The following PKD2L2 variants were observed in gnomAD, a reference collection of about 807,000 sequenced individuals.
PKD2L2 encodes the protein polycystin-2-like protein 2.
In PKD2L2, 67 loss-of-function variants were observed where a neutral mutation model predicts 83.9. The ratio of observed to expected loss-of-function variants is 0.80; its 90% CI spans 0.66 to 0.98. The LOEUF is 0.98. Ranked by LOEUF, PKD2L2 falls within the 50% of genes least tolerant of loss-of-function variation. The pLI, the probability that PKD2L2 is intolerant of heterozygous loss-of-function variation, is 0.00. For missense variants in PKD2L2, 632 were observed against 717.2 expected (o/e 0.88, Z 1.36); for synonymous variants, 223 against 237.8 (o/e 0.94, Z 0.57).
intron 12 of PKD2L2, among the ~76,000 whole-genome samples, 186 bp from the exon 13 acceptor site, chr5:137,935,611 C>T (rs768219004): frequency 9.9e-5 from 15 of 152,284 alleles, no homozygotes; most frequent in South Asian, 2.1e-4. Flanking sequence ...CCAATCAAGT[C>T]CTCTGAAGTG....
intron 6 of PKD2L2, 21 bp from the exon 7 acceptor site, chr5:137,907,721 C>A: frequency 7.2e-7 from 1 of 1,392,500 alleles, no homozygotes; most frequent in Non-Finnish European, 9.6e-7. Context: ...CTAATTTAAC[C>A]CTTCTTATTT....
At chr5:137,901,147 AAAG>A (rs199781661) in intron 5 of PKD2L2, among the ~76,000 whole-genome samples, 5,852 of 151,382 alleles carry the variant, frequency 0.039, 112 homozygotes, top group Non-Finnish European at 0.047. Context: ...AAAAAAAAAA[AAAG>A]AAAGAAAGAA....
rs1561711358 is a variant in PKD2L2, at chr5:137,935,794, CA to C, written c.1672-2del. On this transcript the variant is annotated splice_acceptor_variant, in intron 12 of 14. Coordinates refer to ENST00000508883, the MANE Select transcript of PKD2L2 (RefSeq NM_001300921.2). LOFTEE classifies it high-confidence loss of function. ...AGCCTTTACTTGTCCTCTACCCTGA[CA>C]GGAGATTCAAAACGCAGAGCAGATG... 6.6e-7 allele frequency: 1 copy of C among 1,522,284 alleles called. No individual in the cohort carries two copies. The highest frequency in any genetic ancestry group is 9.1e-7 in the Non-Finnish European group (1 of 1,097,446). 94.3% of individuals were successfully genotyped at this position (1,522,284 alleles called of 1,614,324 possible).
chr5:137,892,454 A>G, intron 2 of PKD2L2, 26 bp from the exon 3 acceptor site: 2 of 1,332,288 alleles, frequency 1.5e-6, no homozygotes, highest in East Asian at 2.7e-5. Flanking sequence ...AATGTAAATT[A>G]TTAAACAAAA....
chr5:137,927,486 T>C (rs916981171), intron 12 of PKD2L2, among the ~76,000 whole-genome samples: 6 of 152,228 alleles, frequency 3.9e-5, no homozygotes, highest in African/African-American at 9.6e-5. Flanking sequence ...TACATAATCA[T>C]GGACTGGATA....
At chr5:137,936,751 A>G (rs1396052959) in intron 14 of PKD2L2, among the ~76,000 whole-genome samples, 1 of 152,198 alleles carries the variant, frequency 6.6e-6, no homozygotes, top group East Asian at 1.9e-4. Context: ...CACCGCACCC[A>G]GCCCATTGAG....
At chr5:137,914,870 C>T (rs370679988) in intron 8 of PKD2L2, among the ~76,000 whole-genome samples, 9 of 152,240 alleles carry the variant, frequency 5.9e-5, no homozygotes, top group African/African-American at 2.2e-4. Flanking sequence ...TTTTCTGCCT[C>T]TATTAAGATA....
intron 8 of PKD2L2, among the ~76,000 whole-genome samples, chr5:137,921,007 C>G (rs917188487): frequency 2.0e-5 from 3 of 152,178 alleles, no homozygotes; most frequent in Non-Finnish European, 2.9e-5. Context: ...AGGGCACAGG[C>G]ACAGCCGGCC....
At chr5:137,902,616 C>A (rs1283578035) in intron 5 of PKD2L2, among the ~76,000 whole-genome samples, 1 of 152,038 alleles carries the variant, frequency 6.6e-6, no homozygotes, top group African/African-American at 2.4e-5. Context: ...TTAGCATGGT[C>A]CATGTTAGGG....
chr5:137,898,011 G>A (rs1756626851), intron 4 of PKD2L2, among the ~76,000 whole-genome samples: 1 of 149,484 alleles, frequency 6.7e-6, no homozygotes, highest in African/African-American at 2.5e-5. Context: ...CTGTCACCCA[G>A]ACTGGAGTGC....
chr5:137,940,569 T>C, intron 14 of PKD2L2: 1 of 445,070 alleles, frequency 2.2e-6, no homozygotes, highest in Non-Finnish European at 3.9e-6. Context: ...AATGATGCTA[T>C]ACTTATAAAT....
chr5:137,932,305 G>A (rs533780252), intron 12 of PKD2L2, among the ~76,000 whole-genome samples: 1 of 151,416 alleles, frequency 6.6e-6, no homozygotes, highest in South Asian at 2.1e-4. Context: ...CCAAGATCAC[G>A]CCACTGCACT....
chr5:137,933,577 C>T (rs1277309492), intron 12 of PKD2L2, among the ~76,000 whole-genome samples: 3 of 152,184 alleles, frequency 2.0e-5, no homozygotes, highest in Non-Finnish European at 4.4e-5. Context: ...GTATTTATAA[C>T]TTCCTTCTCC....
intron 4 of PKD2L2, among the ~76,000 whole-genome samples, chr5:137,897,819 T>C (rs1474483333): frequency 1.3e-5 from 2 of 152,150 alleles, no homozygotes; most frequent in Non-Finnish European, 1.5e-5. Context: ...GTGTTATTAG[T>C]AGAACAGGTT....
At chr5:137,901,112 GACA>G (rs982432520) in intron 5 of PKD2L2, among the ~76,000 whole-genome samples, 24 of 149,202 alleles carry the variant, frequency 1.6e-4, no homozygotes, top group African/African-American at 5.7e-4. Flanking sequence ...CTTCAGCCTG[GACA>G]ACAAGAGCAA....
chr5:137,913,371 A>G (rs1423887030), intron 8 of PKD2L2, among the ~76,000 whole-genome samples: 1 of 147,338 alleles, frequency 6.8e-6, no homozygotes, highest in Non-Finnish European at 1.5e-5. Context: ...TTTTTTGAAG[A>G]GACAGGATCT....
At chr5:137,898,404 T>C (rs926727897) in intron 4 of PKD2L2, among the ~76,000 whole-genome samples, 58 of 152,366 alleles carry the variant, frequency 3.8e-4, no homozygotes, top group African/African-American at 1.3e-3. Flanking sequence ...TTATGAAGCA[T>C]GTTTTTTACC....
At chr5:137,916,529 G>A (rs936793028) in intron 8 of PKD2L2, among the ~76,000 whole-genome samples, 17 of 143,850 alleles carry the variant, frequency 1.2e-4, no homozygotes, top group Non-Finnish European at 1.6e-4. Context: ...ACTCAGGCTG[G>A]AGTACAGTGG....
intron 12 of PKD2L2, among the ~76,000 whole-genome samples, chr5:137,928,383 C>CAAAAAAAA (rs57825667): frequency 9.0e-6 from 1 of 111,492 alleles, no homozygotes. Flanking sequence ...ACAAAAAGTA[C>CAAAAAAAA]AAAAAAAAAA....
Sources: gnomAD v4.1 joint callset for allele counts (sites outside exome capture counted in the v4.1 genomes callset) on GRCh38, gnomAD v4.1.1 for gene constraint, MANE v1.5 for transcripts, NCBI Gene and HGNC (gene_info 2026-07-23, HGNC 2026-07-21) for gene names.